Variants in PLEKHM1 observed in about 807,000 individuals in gnomAD.
The protein encoded by PLEKHM1 is pleckstrin homology and RUN domain containing M1.
A neutral mutation model predicts 94.3 loss-of-function variants in PLEKHM1; 28 were observed. The observed-to-expected ratio is 0.30, with a 90% CI of 0.22 to 0.41. The LOEUF (loss-of-function observed/expected upper bound fraction) is 0.41, where lower values mean the gene tolerates loss of function less well. PLEKHM1 is among the 10% of genes least tolerant of loss of function. The probability of loss-of-function intolerance (pLI) is 1.00; values close to 1 mark genes in which losing one functional copy is unlikely to be tolerated. For missense variants in PLEKHM1, 907 were observed against 1,358.6 expected, an observed-to-expected ratio of 0.67 and a Z score of 5.22; for synonymous variants, 424 against 581.2, an observed-to-expected ratio of 0.73 and a Z score of 3.89.
chr17:45,481,155 T>C (rs2051939930), intron 2 of PLEKHM1, among the ~76,000 whole-genome samples: 1 of 152,210 alleles, frequency 6.6e-6, no homozygotes, highest in Admixed American at 6.5e-5. Context: ...ATTTTCCTGA[T>C]GTCTAATGAT....
rs1567775382 is a variant in PLEKHM1 at position 45,453,690 on chromosome 17, ATCT to A, written c.2159_2161del (p.Lys720del). ...CTCCACGCCGTGGCTGTCACTCAGCATCTTCTCATTGTTCCTGATGCGGAAACA... is the reference window on the plus strand; with the variant it reads ...CTCCACGCCGTGGCTGTCACTCAGCATCTCATTGTTCCTGATGCGGAAACA... On this transcript the variant is annotated inframe_deletion, in exon 7 of 12. Coordinates refer to ENST00000430334, the MANE Select transcript of PLEKHM1 (RefSeq NM_014798.3). The surrounding 1 kb of genome is among the most constrained non-coding windows in gnomAD (Gnocchi z 4.1). 1.2e-6 allele frequency: 2 copies of A among 1,613,834 alleles called. No homozygotes were observed. Among genetic ancestry groups the A allele is most frequent in the African/African-American group, 1.3e-5 (1 of 75,002 alleles).
intron 6 of PLEKHM1, among the ~76,000 whole-genome samples, chr17:45,457,852 G>A (rs933290440): frequency 4.6e-5 from 7 of 152,180 alleles, no homozygotes; most frequent in African/African-American, 7.2e-5. Flanking sequence ...TCATGGGGCC[G>A]GATGTGCTCT....
chr17:45,490,179 A>G (rs1879587), intron 1 of PLEKHM1, among the ~76,000 whole-genome samples: 122,179 of 150,856 alleles, frequency 0.81, 50,019 homozygotes, highest in African/African-American at 0.86. Context: ...TTGGGGAGCT[A>G]GACGGGGGAT....
At chr17:45,490,393 G>A (rs2052276294) in intron 1 of PLEKHM1, among the ~76,000 whole-genome samples, 3 of 152,108 alleles carry the variant, frequency 2.0e-5, no homozygotes, top group African/African-American at 7.2e-5. Flanking sequence ...ATTTAAGCAA[G>A]ACCGCTGGTG....
At chr17:45,439,327 A>G in intron 11 of PLEKHM1, 150 bp downstream of exon 11, 1 of 883,924 alleles carries the variant, frequency 1.1e-6, no homozygotes, top group East Asian at 2.6e-5. Flanking sequence ...GGCTGCCCCA[A>G]CAACTGCACC....
chr17:45,479,026 CTT>C lies in PLEKHM1; in HGVS notation c.49-881_49-880del, dbSNP rs60676372. On this transcript the variant is annotated intron_variant, in intron 2 of 11. Transcript: ENST00000430334. The stretch of plus-strand genomic sequence containing the variant: ...TGAGGACAGGACTACCTTTTTTTTT[CTT>C]TTTTTTTTTGGGAAGTGGTTTCTGG... 5.7e-4 allele frequency among the ~76,000 whole-genome samples: 78 copies of C among 136,916 alleles called. 1 individual carries two copies. The highest frequency in any genetic ancestry group is 4.7e-3 in the East Asian group (22 of 4,724). 89.8% of individuals were successfully genotyped at this position (136,916 alleles called of 152,430 possible).
chr17:45,458,620 AC>A lies in PLEKHM1; in HGVS notation c.1309-182del, dbSNP rs2051050963. Among the ~76,000 whole-genome samples the A allele has an allele frequency of 1.3e-5, 2 of 151,900 alleles. 1 individual carries two copies. Among genetic ancestry groups the A allele is most frequent in the South Asian group, 4.2e-4 (2 of 4,796 alleles). ...TGAGTAGCTGGGATTACAGGCGCCC[AC>A]CACCATGCCCAGCTAATTTTTGTAT... On this transcript the variant is annotated intron_variant, in intron 5 of 11. Coordinates refer to ENST00000430334, the MANE Select transcript of PLEKHM1 (RefSeq NM_014798.3).
At chr17:45,467,779 A>C (rs929209560) in intron 5 of PLEKHM1, among the ~76,000 whole-genome samples, 1 of 152,192 alleles carries the variant, frequency 6.6e-6, no homozygotes, top group Non-Finnish European at 1.5e-5. Flanking sequence ...ACCAAAAACC[A>C]AAAATCAAAA....
chr17:45,460,512 T>G (rs1345446163), intron 5 of PLEKHM1: 2 of 151,930 alleles, frequency 1.3e-5, no homozygotes, highest in Admixed American at 1.3e-4. Flanking sequence ...GCCTCAGCCT[T>G]CCAAAGTGCT....
At chr17:45,482,061 T>A (rs551854425) in intron 2 of PLEKHM1, among the ~76,000 whole-genome samples, 8 of 151,732 alleles carry the variant, frequency 5.3e-5, no homozygotes, top group African/African-American at 1.9e-4. Flanking sequence ...AGTGTTCAGA[T>A]ACATGTAAGT....
chr17:45,488,705 G>A (rs1277103636), intron 1 of PLEKHM1, among the ~76,000 whole-genome samples: 4 of 152,308 alleles, frequency 2.6e-5, no homozygotes, highest in South Asian at 2.1e-4. Flanking sequence ...TTGGGAGGCC[G>A]AGGTGGGTGG....
In PLEKHM1 at chr17:45,437,309, CA is replaced by C; in HGVS notation, c.*548del. On this transcript the variant is annotated 3_prime_UTR_variant, in exon 12 of 12. Coordinates refer to ENST00000430334, the MANE Select transcript of PLEKHM1 (RefSeq NM_014798.3). The surrounding 1 kb of genome is among the most constrained non-coding windows in gnomAD (Gnocchi z 4.0). Reference sequence around the variant, plus strand: ...CTGGGTGGGCCCATAGACCCTGTCCCAGCAGTGGCCTGCCCACCAGCCACCC... The same window carrying C: ...CTGGGTGGGCCCATAGACCCTGTCCCGCAGTGGCCTGCCCACCAGCCACCC... 1 of 454,176 alleles carries C rather than the reference CA, an allele frequency of 2.2e-6. No homozygotes were observed. The highest frequency in any genetic ancestry group is 2.3e-5 in the Admixed American group (1 of 42,582). The allele number at this position is 454,176 out of a possible 1,614,324, so 28.1% of individuals were successfully genotyped here. A position where few individuals can be genotyped will look rare whatever the true frequency, so the allele number is the denominator to read the frequency against.
chr17:45,479,668 A>G (rs1282352464), intron 2 of PLEKHM1, among the ~76,000 whole-genome samples: 1 of 152,044 alleles, frequency 6.6e-6, no homozygotes, highest in Non-Finnish European at 1.5e-5. Context: ...CCTGGGTGGC[A>G]GAGTGAGACT....
intron 4 of PLEKHM1, among the ~76,000 whole-genome samples, chr17:45,472,400 G>C (rs2051545554): frequency 6.6e-6 from 1 of 152,208 alleles, no homozygotes; most frequent in Admixed American, 6.5e-5. Flanking sequence ...CCTGCACAGA[G>C]AGGATGGTCA....
rs371136890 is a variant in PLEKHM1, at chr17:45,456,022, C to T, written c.1580-1750G>A. On this transcript the variant is annotated intron_variant, in intron 6 of 11. Coordinates refer to ENST00000430334, the MANE Select transcript of PLEKHM1 (RefSeq NM_014798.3). ...CTGGATGTGTCAAGCGCAGCCCCAGCGCAGGGTCTTTGCATTTGTTCTCCT... is the reference window on the plus strand; with the variant it reads ...CTGGATGTGTCAAGCGCAGCCCCAGTGCAGGGTCTTTGCATTTGTTCTCCT... Among the ~76,000 whole-genome samples the T allele has an allele frequency of 8.5e-5, 13 of 152,282 alleles. No homozygotes were observed. In the South Asian group the frequency reaches 2.7e-3, roughly 32 times the overall value.
In PLEKHM1 at chr17:45,454,023, T is replaced by G; in HGVS notation, c.1829A>C (p.Gln610Pro). Residue 610 changes from glutamine (Q) to proline (P), a missense_variant, in exon 7 of 12, where the codon CAG (glutamine) becomes CCG (proline). Gln to Pro is a moderately conservative substitution (Grantham distance 76, BLOSUM62 -1). Around this residue, in one of 3 missense-constraint regions of PLEKHM1, gnomAD observed 477 missense variants for 601.5 expected, o/e 0.79. Coordinates refer to ENST00000430334, the MANE Select transcript of PLEKHM1 (RefSeq NM_014798.3). Reference protein sequence around the residue: ...GKKLALRASSQDEAEDWLDRV... With the variant: ...GKKLALRASSPDEAEDWLDRV... The stretch of plus-strand genomic sequence containing the variant: ...GTCCAGCCAGTCCTCAGCTTCGTCC[T>G]GGGAGGAGGCGCGCAGGGCCAGCTT... 6.2e-7 allele frequency: 1 copy of G among 1,614,094 alleles called. No individual in the cohort carries two copies. Among genetic ancestry groups the G allele is most frequent in the South Asian group, 1.1e-5 (1 of 91,088 alleles).
At chr17:45,435,312 CTGTT>C (rs1477523449), downstream of PLEKHM1, among the ~76,000 whole-genome samples, 1 of 152,222 alleles carries the variant, frequency 6.6e-6, no homozygotes, top group Non-Finnish European at 1.5e-5. Context: ...AGAATTAAGT[CTGTT>C]TCCTGCTCCT....
chr17:45,463,284 T>C (rs1288402711), intron 5 of PLEKHM1, among the ~76,000 whole-genome samples: 4 of 152,146 alleles, frequency 2.6e-5, no homozygotes, highest in Non-Finnish European at 4.4e-5. Context: ...CTTCTGCACA[T>C]GGGCCTGGAC....
chr17:45,472,044 TTA>T (rs2051530107), intron 4 of PLEKHM1, among the ~76,000 whole-genome samples: 1 of 152,202 alleles, frequency 6.6e-6, no homozygotes, highest in Non-Finnish European at 1.5e-5. Context: ...ATGCTTTTCT[TTA>T]TGTTTGATTT....
Sources: gnomAD v4.1 joint callset for allele counts (sites outside exome capture counted in the v4.1 genomes callset) on GRCh38, gnomAD v4.1.1 for gene constraint, gnomAD v4.1.1 regional missense constraint, Gnocchi (gnomAD v3.1) non-coding constraint, MANE v1.5 for transcripts, NCBI Gene and HGNC (gene_info 2026-07-23, HGNC 2026-07-21) for gene names.